The following MIPOL1 variants were observed in gnomAD, a reference collection of about 807,000 sequenced individuals.
MIPOL1 encodes the protein mirror-image polydactyly gene 1 protein.
Under a neutral mutation model 60.9 loss-of-function variants are expected in MIPOL1, and 57 were observed. That is an observed-to-expected ratio of 0.94 (90% CI 0.76 to 1.17). MIPOL1 has a LOEUF of 1.17. MIPOL1 is among the 50% of genes most tolerant of loss of function. The pLI is 0.00. For missense variants in MIPOL1, 551 were observed against 511.6 expected (o/e 1.08, Z -0.74); for synonymous variants, 179 against 168.8 (o/e 1.06, Z -0.47).
chr14:37,465,715 C>T (rs891829980), intron 11 of MIPOL1, among the ~76,000 whole-genome samples: 5 of 152,002 alleles, frequency 3.3e-5, no homozygotes, highest in Non-Finnish European at 7.4e-5. Context: ...TTAAAATTCC[C>T]ACCTCGTAAG....
At chr14:37,458,055 A>T (rs2094496621) in intron 11 of MIPOL1, among the ~76,000 whole-genome samples, 2 of 152,266 alleles carry the variant, frequency 1.3e-5, no homozygotes, top group Admixed American at 1.3e-4. Context: ...GATAAAACAG[A>T]CATTAATCAA....
intron 11 of MIPOL1, among the ~76,000 whole-genome samples, chr14:37,469,068 T>A (rs2094640777): frequency 6.6e-6 from 1 of 152,202 alleles, no homozygotes; most frequent in Non-Finnish European, 1.5e-5. Flanking sequence ...ATTTGTGCTT[T>A]AGAAAACTCA....
chr14:37,246,548 C>A (rs919890704), intron 1 of MIPOL1, among the ~76,000 whole-genome samples: 4 of 152,086 alleles, frequency 2.6e-5, no homozygotes, highest in Admixed American at 1.3e-4. Context: ...CAGCATTTTA[C>A]TACATCAGTC....
At chr14:37,393,510 G>C (rs548675018) in intron 10 of MIPOL1, among the ~76,000 whole-genome samples, 7 of 151,320 alleles carry the variant, frequency 4.6e-5, no homozygotes, top group African/African-American at 1.7e-4. Context: ...TCAAACCTGG[G>C]TGGTTCATTC....
intron 10 of MIPOL1, among the ~76,000 whole-genome samples, chr14:37,418,779 G>A (rs937734070): frequency 2.0e-5 from 3 of 151,944 alleles, no homozygotes; most frequent in East Asian, 1.9e-4. Flanking sequence ...TTAAACACTC[G>A]AAAGAATGCC....
intron 9 of MIPOL1, among the ~76,000 whole-genome samples, chr14:37,340,581 G>A (rs1003021402): frequency 6.6e-5 from 10 of 151,540 alleles, no homozygotes; most frequent in East Asian, 1.9e-4. Context: ...GTGGTGGTGC[G>A]TGCCTGTAGT....
At chr14:37,546,023 C>T (rs2095546074) in intron 12 of MIPOL1, 2 of 184,692 alleles carry the variant, frequency 1.1e-5, no homozygotes, top group Admixed American at 1.2e-4. Context: ...AGGTTTTATG[C>T]TTTCAGTAAA....
chr14:37,229,140 A>G (rs767947410), intron 1 of MIPOL1, among the ~76,000 whole-genome samples: 5 of 152,290 alleles, frequency 3.3e-5, no homozygotes, highest in Admixed American at 3.3e-4. Flanking sequence ...ATTTATAAAT[A>G]TTATTAAAAG....
At chr14:37,313,703 G>A (rs751732002) in intron 9 of MIPOL1, among the ~76,000 whole-genome samples, 6 of 152,112 alleles carry the variant, frequency 3.9e-5, no homozygotes, top group Admixed American at 6.6e-5. Flanking sequence ...TATTATAGGC[G>A]TAATGGAAAA....
intron 5 of MIPOL1, 137 bp from the exon 6 acceptor site, chr14:37,270,282 AT>A (rs908208139): frequency 8.1e-5 from 34 of 421,372 alleles, no homozygotes; most frequent in African/African-American, 2.7e-4. Flanking sequence ...TAAATTTTAA[AT>A]TTTTTTCTGG....
At chr14:37,294,578 G>T (rs568146196) in intron 7 of MIPOL1, among the ~76,000 whole-genome samples, 2 of 152,204 alleles carry the variant, frequency 1.3e-5, no homozygotes, top group South Asian at 2.1e-4. Flanking sequence ...TAGACGAATG[G>T]ATAACTAGAA....
At chr14:37,508,382 G>A (rs991352328) in intron 12 of MIPOL1, among the ~76,000 whole-genome samples, 4 of 152,010 alleles carry the variant, frequency 2.6e-5, no homozygotes, top group African/African-American at 9.7e-5. Flanking sequence ...AGTACAGTAT[G>A]GCTAGTTTGT....
chr14:37,509,972 A>G (rs2095313740), intron 12 of MIPOL1, among the ~76,000 whole-genome samples: 1 of 151,718 alleles, frequency 6.6e-6, no homozygotes, highest in Non-Finnish European at 1.5e-5. Flanking sequence ...ATATATATAT[A>G]TGCATACATA....
chr14:37,491,996 T>C (rs2146133), intron 11 of MIPOL1, among the ~76,000 whole-genome samples: 117,451 of 152,142 alleles, frequency 0.77, 45,858 homozygotes, highest in African/African-American at 0.89. Context: ...GTGAGCAAGT[T>C]AGTGATTTTC....
chr14:37,442,882 T>G (rs1339815211), intron 11 of MIPOL1, among the ~76,000 whole-genome samples: 1 of 152,100 alleles, frequency 6.6e-6, no homozygotes, highest in Non-Finnish European at 1.5e-5. Context: ...ATCAGAAGAC[T>G]TTATTTATAC....
intron 1 of MIPOL1, among the ~76,000 whole-genome samples, chr14:37,205,576 C>T (rs1015725535): frequency 1.3e-5 from 2 of 152,052 alleles, no homozygotes; most frequent in Non-Finnish European, 2.9e-5. Context: ...TCCATCAACT[C>T]ATCATTTACA....
At position 37,333,435 on chromosome 14, in the gene MIPOL1, A is replaced by G. The variant is rs189152293; in HGVS notation, c.828+24916A>G. 2.7e-3 allele frequency among the ~76,000 whole-genome samples: 413 copies of G among 152,214 alleles called. 1 individual carries two copies. Among genetic ancestry groups the G allele is most frequent in the Non-Finnish European group, 2.8e-3 (193 of 67,966 alleles). ...TTGTTCAAGGACCAACTGTACTCCA[A>G]TTAAAGACAGATACTGTGACATATT... On this transcript the variant is annotated intron_variant, in intron 9 of 12. Coordinates refer to ENST00000684589, the MANE Select transcript of MIPOL1 (RefSeq NM_001388067.1).
intron 11 of MIPOL1, among the ~76,000 whole-genome samples, chr14:37,466,861 C>T (rs1488472466): frequency 6.6e-6 from 1 of 152,180 alleles, no homozygotes; most frequent in Non-Finnish European, 1.5e-5. Flanking sequence ...GTTTACAGCA[C>T]AGTAGCTATC....
At chr14:37,543,236 T>G (rs1344114168) in intron 12 of MIPOL1, among the ~76,000 whole-genome samples, 1 of 152,192 alleles carries the variant, frequency 6.6e-6, no homozygotes. Context: ...ATTCAGGCCT[T>G]CAGCTCTCAC....
Sources: allele counts gnomAD v4.1 joint callset (sites outside exome capture counted in the v4.1 genomes callset), GRCh38; gene constraint gnomAD v4.1.1; transcripts MANE v1.5; gene names NCBI Gene and HGNC (gene_info 2026-07-23, HGNC 2026-07-21).